Variants in TBCE observed in about 807,000 individuals in gnomAD.
TBCE encodes tubulin-specific chaperone E.
In TBCE, 53 loss-of-function variants were observed where a neutral mutation model predicts 77.0. That is an observed-to-expected ratio of 0.69 (90% CI 0.55 to 0.87). The LOEUF (loss-of-function observed/expected upper bound fraction) is 0.87. TBCE is among the 40% of genes least tolerant of loss of function. The pLI is 0.00. For missense variants in TBCE, 624 were observed against 622.4 expected (o/e 1.00, Z -0.03); for synonymous variants, 235 against 241.3 (o/e 0.97, Z 0.24).
In TBCE at chr1:235,450,093, G is replaced by C; in HGVS notation, c.*1331G>C. On this transcript the variant is annotated 3_prime_UTR_variant, in exon 17 of 17. Coordinates refer to ENST00000642610, the MANE Select transcript of TBCE (RefSeq NM_003193.5). ...GGTTCTGGGTGAAAGTGCCAGTCTG[G>C]AACTCTCTTGAAAGACCATACAGTC... The C allele has an allele frequency of 7.6e-7, 1 of 1,315,554 alleles. No homozygotes were observed. The highest frequency in any genetic ancestry group is 1.4e-5 in the South Asian group (1 of 73,756). 81.5% of individuals were successfully genotyped at this position (1,315,554 alleles called of 1,614,324 possible). A position where few individuals can be genotyped will look rare whatever the true frequency, so the allele number is the denominator to read the frequency against.
At chr1:235,401,456 G>A in intron 2 of TBCE, 47 bp from the exon 3 acceptor site, 1 of 1,518,948 alleles carries the variant, frequency 6.6e-7, no homozygotes, top group Non-Finnish European at 9.1e-7. Context: ...CTGGAGCATT[G>A]CCTGTATCAT....
chr1:235,396,046 A>ATTTTCT (rs1241390572), intron 2 of TBCE, among the ~76,000 whole-genome samples: 1 of 150,760 alleles, frequency 6.6e-6, no homozygotes, highest in Non-Finnish European at 1.5e-5. Context: ...GTATGTGTTT[A>ATTTTCT]TTTTCTTTTT....
In TBCE at chr1:235,414,550, G is replaced by C; in HGVS notation, c.303G>C (p.Glu101Asp). Residue 101 changes from glutamate to aspartate, a missense_variant, in exon 4 of 17, where the codon GAG becomes GAC. Transcript: ENST00000642610. ...LEDGPEEDRK[E>D]QIVTIGNKPV... ...ATGGACCAGAGGAAGATAGAAAAGAGCAAATTGTTACAATTGGAAATAAAC... is the reference window on the plus strand; with the variant it reads ...ATGGACCAGAGGAAGATAGAAAAGACCAAATTGTTACAATTGGAAATAAAC... 1 of 1,613,850 alleles carries C rather than the reference G, an allele frequency of 6.2e-7. No homozygotes were observed. Among genetic ancestry groups the C allele is most frequent in the Non-Finnish European group, 8.5e-7 (1 of 1,179,988 alleles).
At chr1:235,421,991 C>T (rs1680424270) in intron 5 of TBCE, among the ~76,000 whole-genome samples, 1 of 152,172 alleles carries the variant, frequency 6.6e-6, no homozygotes, top group Non-Finnish European at 1.5e-5. Flanking sequence ...TCTGTTGGGA[C>T]CTGTGGTAGC....
chr1:235,382,017 A>G (rs1168522309), intron 2 of TBCE, among the ~76,000 whole-genome samples: 1 of 132,150 alleles, frequency 7.6e-6, no homozygotes, highest in Non-Finnish European at 1.5e-5. Flanking sequence ...TCCTGTGTCC[A>G]TGTGTTCTCA....
chr1:235,400,408 C>CT (rs71174425), intron 2 of TBCE, among the ~76,000 whole-genome samples: 20 of 106,030 alleles, frequency 1.9e-4, no homozygotes, highest in South Asian at 5.5e-4. Flanking sequence ...TATTTTTCCT[C>CT]TTTTTTTTTT....
rs1044392836 is a variant in TBCE, at chr1:235,449,278, C to T, written c.*516C>T. The stretch of plus-strand genomic sequence containing the variant: ...TTTCTAAGAGTACTTAAATTAATCA[C>T]ATGCTTTTCCCTACAATTATACCTA... On this transcript the variant is annotated 3_prime_UTR_variant, in exon 17 of 17. Transcript: ENST00000642610. 1.2e-5 allele frequency: 2 copies of T among 166,038 alleles called. No homozygotes were observed. The highest frequency in any genetic ancestry group is 2.4e-5 in the African/African-American group (1 of 41,510). 10.3% of individuals were successfully genotyped at this position (166,038 alleles called of 1,614,324 possible).
At chr1:235,424,124 T>C (rs1269901948) in intron 5 of TBCE, among the ~76,000 whole-genome samples, 1 of 152,194 alleles carries the variant, frequency 6.6e-6, no homozygotes. Context: ...GGATCGAGGA[T>C]GACTTGGGTG....
Position 235,438,769 on chromosome 1 carries a change from A to C in TBCE, c.1117A>C (p.Ile373Leu). Reference sequence around the variant, plus strand: ...TTGTTTTTATGTCACATGAACATAGATTCTCCCCGAGGAGAGGCGGAGAGC... The same window carrying C: ...TTGTTTTTATGTCACATGAACATAGCTTCTCCCCGAGGAGAGGCGGAGAGC... Reference protein sequence around the residue: ...GQLKTLNKCEILPEERRRAEL... With the variant: ...GQLKTLNKCELLPEERRRAEL... The change falls in exon 13 of 17, where the codon ATT becomes CTT. Residue 373 changes from isoleucine (I) to leucine (L), a missense_variant and splice_region_variant. By Grantham distance (5) the Ile-to-Leu change is conservative (BLOSUM62 2). Coordinates refer to ENST00000642610, the MANE Select transcript of TBCE (RefSeq NM_003193.5). 1 of 1,614,174 alleles carries C rather than the reference A, an allele frequency of 6.2e-7. No individual in the cohort carries two copies. Among genetic ancestry groups the C allele is most frequent in the Non-Finnish European group, 8.5e-7 (1 of 1,180,038 alleles).
In TBCE at chr1:235,437,278, A is replaced by G. The variant is rs374443788; in HGVS notation, c.964-44A>G. ...TGGTTCAAACTTCTGCAAAAGTGGC[A>G]TGAACGTACCGCTTTTCATTTATTT... is the stretch of plus-strand genomic sequence containing the variant. On this transcript the variant is annotated intron_variant, in intron 11 of 16. Coordinates refer to ENST00000642610, the MANE Select transcript of TBCE (RefSeq NM_003193.5). The G allele has an allele frequency of 2.0e-5, 33 of 1,613,582 alleles. No homozygotes were observed. In the African/African-American group the frequency reaches 3.7e-4, roughly 18 times the overall value.
At position 235,376,176 on chromosome 1, in the gene TBCE, T is replaced by A. The variant is rs190908803; in HGVS notation, c.-31-3843T>A. Among the ~76,000 whole-genome samples the A allele has an allele frequency of 1.3e-3, 197 of 152,256 alleles. 1 individual carries two copies. Among genetic ancestry groups the A allele is most frequent in the Admixed American group, 0.011 (173 of 15,270 alleles). ...AGGTAGGAATGGAAAAAAAAAATTG[T>A]TACTGGAGATTAAGTAGGATCAAGC... On this transcript the variant is annotated intron_variant, in intron 1 of 16. Coordinates refer to ENST00000642610, the MANE Select transcript of TBCE (RefSeq NM_003193.5).
chr1:235,407,636 G>A (rs182010983), intron 3 of TBCE, among the ~76,000 whole-genome samples: 93 of 152,266 alleles, frequency 6.1e-4, no homozygotes, highest in African/African-American at 2.0e-3. Context: ...TGTGTGCCCC[G>A]AGCACTTTTT....
At chr1:235,444,304 G>A (rs1161043888) in intron 15 of TBCE, among the ~76,000 whole-genome samples, 4 of 152,186 alleles carry the variant, frequency 2.6e-5, no homozygotes, top group African/African-American at 9.7e-5. Flanking sequence ...GTTAGAATTA[G>A]TGATTTCCCC....
At chr1:235,373,774 G>T (rs1201938612) in intron 1 of TBCE, among the ~76,000 whole-genome samples, 1 of 148,358 alleles carries the variant, frequency 6.7e-6, no homozygotes, top group African/African-American at 2.5e-5. Context: ...TCAGCCTCCC[G>T]AGTAGCTGGG....
intron 15 of TBCE, among the ~76,000 whole-genome samples, chr1:235,447,304 T>G (rs1682420886): frequency 6.6e-6 from 1 of 152,244 alleles, no homozygotes; most frequent in Admixed American, 6.5e-5. Flanking sequence ...AAAATATGTT[T>G]GAATACACTG....
intron 15 of TBCE, among the ~76,000 whole-genome samples, chr1:235,446,326 G>C (rs945505232): frequency 6.6e-6 from 1 of 151,910 alleles, no homozygotes; most frequent in Non-Finnish European, 1.5e-5. Flanking sequence ...ACAGGTGCCC[G>C]CCACCATGCC....
intron 7 of TBCE, chr1:235,433,495 T>C (rs1422448674): frequency 6.5e-6 from 1 of 154,060 alleles, no homozygotes; most frequent in African/African-American, 2.4e-5. Context: ...GTGCTGGGAT[T>C]ACAGGCGTGT....
chr1:235,383,642 C>T (rs1238472081), intron 2 of TBCE, among the ~76,000 whole-genome samples: 1 of 152,100 alleles, frequency 6.6e-6, no homozygotes, highest in African/African-American at 2.4e-5. Flanking sequence ...TATAAGAATG[C>T]TTGTGATTTT....
intron 1 of TBCE, among the ~76,000 whole-genome samples, chr1:235,377,864 G>C (rs1677392888): frequency 6.6e-6 from 1 of 151,862 alleles, no homozygotes; most frequent in African/African-American, 2.4e-5. Context: ...TGGTGGTCAG[G>C]CTGGTCTCGA....
Sources: gnomAD v4.1 joint callset for allele counts (sites outside exome capture counted in the v4.1 genomes callset) on GRCh38, gnomAD v4.1.1 for gene constraint, MANE v1.5 for transcripts, NCBI Gene and HGNC (gene_info 2026-07-23, HGNC 2026-07-21) for gene names.